SACS: variants seen among roughly 807,000 people sequenced by gnomAD.
SACS encodes sacsin.
A neutral mutation model predicts 348.0 loss-of-function variants in SACS; 197 were observed. The observed-to-expected ratio is 0.57, with a 90% CI of 0.50 to 0.64. SACS has a LOEUF of 0.64. SACS is among the 30% of genes least tolerant of loss of function. The pLI, the probability that SACS is intolerant of heterozygous loss-of-function variation, is 0.00. For missense variants in SACS, 4,999 were observed against 5,360.8 expected (o/e 0.93, Z 2.11); for synonymous variants, 1,985 against 1,910.6 (o/e 1.04, Z -1.02).
At position 23,337,560 on chromosome 13, in the gene SACS, GA is replaced by G; in HGVS notation, c.6315del (p.Pro2106LeufsTer8). On this transcript the variant is annotated frameshift_variant, in exon 10 of 10. Coordinates refer to ENST00000382292, the MANE Select transcript of SACS (RefSeq NM_014363.6). LOFTEE classifies it high-confidence loss of function. ...TPCIPCSLEG[H>X]PLVLPSRLIH... Reference sequence around the variant, plus strand: ...ATCAATCTTGATGGCAAAACCAAAGGATGCCCCTCCAAGGAACAAGGAATAC... The same window carrying G: ...ATCAATCTTGATGGCAAAACCAAAGGTGCCCCTCCAAGGAACAAGGAATAC... 1 of 1,613,854 alleles carries G rather than the reference GA, an allele frequency of 6.2e-7. No individual in the cohort carries two copies. The highest frequency in any genetic ancestry group is 8.5e-7 in the Non-Finnish European group (1 of 1,179,902).
intron 3 of SACS, among the ~76,000 whole-genome samples, chr13:23,374,483 G>A (rs955317145): frequency 6.6e-6 from 1 of 152,168 alleles, no homozygotes; most frequent in African/African-American, 2.4e-5. Context: ...AAAAAGAAAT[G>A]TTTTAAAAGA....
intron 1 of SACS, among the ~76,000 whole-genome samples, chr13:23,424,984 T>G (rs1232869564): frequency 6.6e-6 from 1 of 152,252 alleles, no homozygotes; most frequent in Non-Finnish European, 1.5e-5. Context: ...CTTTATTATA[T>G]CACTGAATGG....
rs142268148 is a variant in SACS at position 23,400,082 on chromosome 13, C to A, written c.20+11138G>T. 9.7e-3 allele frequency among the ~76,000 whole-genome samples: 1,465 copies of A among 151,762 alleles called. 22 individuals are homozygous for A. Among genetic ancestry groups the A allele is most frequent in the African/African-American group, 0.033 (1,387 of 41,412 alleles). On this transcript the variant is annotated intron_variant, in intron 2 of 9. Coordinates refer to ENST00000382292, the MANE Select transcript of SACS (RefSeq NM_014363.6). ...TTCTTTCCTCTTTCTTTAACTCTTA[C>A]AATTATCTCCTGGATCTGGGAAGGA...
At chr13:23,398,582 A>G (rs966556340) in intron 2 of SACS, among the ~76,000 whole-genome samples, 1 of 151,690 alleles carries the variant, frequency 6.6e-6, no homozygotes, top group Non-Finnish European at 1.5e-5. Flanking sequence ...AGAAAGGTGG[A>G]ACAACTCAAA....
chr13:23,333,821 G>T lies in SACS; in HGVS notation c.10055C>A (p.Thr3352Lys), dbSNP rs1256372200. 1 of 1,613,854 alleles carries T rather than the reference G, an allele frequency of 6.2e-7. No homozygotes were observed. Residue 3352 changes from threonine (T) to lysine (K), a missense_variant, in exon 10 of 10, where the codon ACA (threonine) becomes AAA (lysine). Physicochemically the swap from Thr to Lys is moderately conservative, Grantham distance 78. Coordinates refer to ENST00000382292, the MANE Select transcript of SACS (RefSeq NM_014363.6). ...SAFVPLLSCHTANIESPTSIL... is the reference protein window; with the variant it reads ...SAFVPLLSCHKANIESPTSIL... ...GCTTGTGGGGCTCTCTATATTTGCT[G>T]TGTGACATGACAACAAAGGAACAAA...
In SACS at chr13:23,329,582, T is replaced by C. The variant is rs946101103; in HGVS notation, c.*554A>G. 2 of 600,180 alleles carry C rather than the reference T, an allele frequency of 3.3e-6. No homozygotes were observed. The highest frequency in any genetic ancestry group is 3.8e-5 in the African/African-American group (2 of 52,274). The allele number at this position is 600,180 out of a possible 1,614,324, so 37.2% of individuals were successfully genotyped here. A position where few individuals can be genotyped will look rare whatever the true frequency, so the allele number is the denominator to read the frequency against. On this transcript the variant is annotated 3_prime_UTR_variant, in exon 10 of 10. Coordinates refer to ENST00000382292, the MANE Select transcript of SACS (RefSeq NM_014363.6). ...TACCTTCACACTCTTAGTCAAGTAA[T>C]AGGATTAAAATACTCTACCATTTCT...
At chr13:23,389,792 C>A (rs1198459693) in intron 2 of SACS, among the ~76,000 whole-genome samples, 4 of 152,178 alleles carry the variant, frequency 2.6e-5, no homozygotes, top group African/African-American at 7.2e-5. Context: ...CCATCATTTT[C>A]TTCTACTGTG....
chr13:23,395,739 C>A (rs1488842150), intron 2 of SACS, among the ~76,000 whole-genome samples: 1 of 152,194 alleles, frequency 6.6e-6, no homozygotes, highest in African/African-American at 2.4e-5. Flanking sequence ...GAGCAGGTAA[C>A]CTTACCTTAT....
intron 1 of SACS, among the ~76,000 whole-genome samples, chr13:23,414,131 C>T (rs1262693698): frequency 6.6e-6 from 1 of 152,068 alleles, no homozygotes; most frequent in Admixed American, 6.5e-5. Context: ...AGTGAAACCC[C>T]GTCTCTACTA....
chr13:23,383,162 T>C (rs949675767), intron 2 of SACS, among the ~76,000 whole-genome samples: 3 of 152,168 alleles, frequency 2.0e-5, no homozygotes, highest in East Asian at 3.8e-4. Context: ...AAAATTAATA[T>C]TGCAAGTAAT....
Position 23,375,219 on chromosome 13 carries a change from G to C in SACS, c.71C>G (p.Ala24Gly), listed in dbSNP as rs1456262588. Residue 24 changes from alanine to glycine, a missense_variant, in exon 3 of 10, where the codon GCG (alanine) becomes GGG (glycine). Coordinates refer to ENST00000382292, the MANE Select transcript of SACS (RefSeq NM_014363.6). ...GCGCACGGTCCAGGACGCCAGCGCC[G>C]CGACGGTCCTGCAGCCCACGCAGCC... ...LPGCVGCRTV[A>G]ALASWTVRDV... 6.7e-7 allele frequency: 1 copy of C among 1,499,162 alleles called. No individual in the cohort carries two copies. Among genetic ancestry groups the C allele is most frequent in the African/African-American group, 1.5e-5 (1 of 68,686 alleles). 92.9% of individuals were successfully genotyped at this position (1,499,162 alleles called of 1,614,324 possible).
chr13:23,330,491 C>G lies in SACS; in HGVS notation c.13385G>C (p.Arg4462Thr). Residue 4462 changes from arginine to threonine, a missense_variant, in exon 10 of 10, where the codon AGG (arginine) becomes ACG (threonine). By Grantham distance (71) the Arg-to-Thr change is moderately conservative (BLOSUM62 -1). This residue lies in a region of SACS where 254 missense variants were observed against 275.1 expected (regional missense o/e 0.92). Coordinates refer to ENST00000382292, the MANE Select transcript of SACS (RefSeq NM_014363.6). ...ATTGGCATTTTTATGAAGGTCATTC[C>G]TGGCAGCTGAGAAGTTTGCTCTGGC... ...RQARANFSAA[R>T]NDLHKNANEW... 1.9e-6 allele frequency: 3 copies of G among 1,614,212 alleles called. No homozygotes were observed. Among genetic ancestry groups the G allele is most frequent in the Non-Finnish European group, 2.5e-6 (3 of 1,180,026 alleles).
rs142910650 is a variant in SACS at position 23,398,241 on chromosome 13, A to G, written c.20+12979T>C. Among the ~76,000 whole-genome samples, 24 of 150,380 alleles carry G rather than the reference A, an allele frequency of 1.6e-4. 1 individual carries two copies. In the East Asian group the frequency reaches 4.8e-3, roughly 30 times the overall value. On this transcript the variant is annotated intron_variant, in intron 2 of 9. Transcript: ENST00000382292. ...AATTTTAAAAATACATTTAAGAAAT[A>G]CATGGTTTTAGCTGGGTGTGGTGGC...
rs1488329860 is a variant in SACS at position 23,330,642 on chromosome 13, T to C, written c.13234A>G (p.Arg4412Gly). The C allele has an allele frequency of 1.9e-6, 3 of 1,614,116 alleles. No individual in the cohort carries two copies. Among genetic ancestry groups the C allele is most frequent in the Non-Finnish European group, 2.5e-6 (3 of 1,180,014 alleles). ...NQEATSHKSE[R>G]QQQNKEKCPP... is the part of the protein sequence containing the mutation. Reference sequence around the variant, plus strand: ...CATTTTTCTTTGTTCTGTTGCTGTCTTTCAGATTTATGGCTCGTTGCTTCT... The same window carrying C: ...CATTTTTCTTTGTTCTGTTGCTGTCCTTCAGATTTATGGCTCGTTGCTTCT... The change falls in exon 10 of 10, where the codon AGA becomes GGA. Residue 4412 changes from arginine to glycine, a missense_variant. Physicochemically the swap from Arg to Gly is moderately radical, Grantham distance 125. Transcript: ENST00000382292.
chr13:23,394,521 T>C (rs35724243), intron 2 of SACS, among the ~76,000 whole-genome samples: 7,968 of 152,288 alleles, frequency 0.052, 287 homozygotes, highest in Non-Finnish European at 0.08. Context: ...AATAATTTGT[T>C]CTTTAACACT....
chr13:23,409,040 CTTT>C (rs1175897856), intron 2 of SACS, among the ~76,000 whole-genome samples: 5 of 35,146 alleles, frequency 1.4e-4, no homozygotes, highest in African/African-American at 5.7e-4. Flanking sequence ...ACAAGTTTTA[CTTT>C]TTTTTTTTTT....
intron 2 of SACS, among the ~76,000 whole-genome samples, chr13:23,407,688 T>C (rs1873292244): frequency 6.6e-6 from 1 of 152,136 alleles, no homozygotes; most frequent in African/African-American, 2.4e-5. Context: ...GGAACTAAAA[T>C]AGACTTTCTC....
At chr13:23,392,635 A>C (rs2137901299) in intron 2 of SACS, among the ~76,000 whole-genome samples, 1 of 152,318 alleles carries the variant, frequency 6.6e-6, no homozygotes, top group Non-Finnish European at 1.5e-5. Flanking sequence ...AAAGTAACTG[A>C]TTCAAGGCCA....
rs148349355 is a variant in SACS at position 23,332,951 on chromosome 13, C to T, written c.10925G>A (p.Gly3642Glu). Residue 3642 changes from glycine to glutamate, a missense_variant, in exon 10 of 10, where the codon GGA (glycine) becomes GAA (glutamate). Coordinates refer to ENST00000382292, the MANE Select transcript of SACS (RefSeq NM_014363.6). ...IFQERMDLLS[G>E]NFLKELSLIP... Reference sequence around the variant, plus strand: ...TAAAGATAGTTCTTTCAGAAAATTTCCAGATAACAAATCCATTCGTTCTTG... The same window carrying T: ...TAAAGATAGTTCTTTCAGAAAATTTTCAGATAACAAATCCATTCGTTCTTG... The T allele has an allele frequency of 1.2e-6, 2 of 1,613,748 alleles. No individual in the cohort carries two copies. The highest frequency in any genetic ancestry group is 2.7e-5 in the African/African-American group (2 of 74,922).
Sources: gnomAD v4.1 joint callset for allele counts (sites outside exome capture counted in the v4.1 genomes callset) on GRCh38, gnomAD v4.1.1 for gene constraint, gnomAD v4.1.1 regional missense constraint, MANE v1.5 for transcripts, NCBI Gene and HGNC (gene_info 2026-07-23, HGNC 2026-07-21) for gene names.